Variants in PLEKHM2 observed in about 807,000 individuals in gnomAD.
PLEKHM2 encodes pleckstrin homology and RUN domain containing M2, also known as pleckstrin homology domain-containing family M member 2.
A neutral mutation model predicts 116.3 loss-of-function variants in PLEKHM2; 77 were observed. The observed-to-expected ratio is 0.66, with a 90% CI of 0.55 to 0.80. The LOEUF (loss-of-function observed/expected upper bound fraction) is 0.80. Ranked by LOEUF, PLEKHM2 falls within the 30% of genes least tolerant of loss-of-function variation. PLEKHM2 has a pLI of 0.00. For missense variants in PLEKHM2, 1,183 were observed against 1,354.9 expected (o/e 0.87, Z 1.99); for synonymous variants, 562 against 571.0 (o/e 0.98, Z 0.22).
In PLEKHM2 at chr1:15,731,881, TGGCCCAGGG is replaced by T; in HGVS notation, c.2466-5_2469del. On this transcript the variant is annotated splice_acceptor_variant and splice_polypyrimidine_tract_variant and coding_sequence_variant and intron_variant, in exon 17 of 20. Transcript: ENST00000375799. LOFTEE classifies it high-confidence loss of function. ...TCGCTCCCGTTTCACCCTCCTCCTCTGGCCCAGGGGGGAGCAGTGCGGTGGCTGCCGGAG... is the reference window on the plus strand; with the variant it reads ...TCGCTCCCGTTTCACCCTCCTCCTCTGGGAGCAGTGCGGTGGCTGCCGGAG... The T allele has an allele frequency of 6.2e-7, 1 of 1,608,722 alleles. No homozygotes were observed. Among genetic ancestry groups the T allele is most frequent in the Non-Finnish European group, 8.5e-7 (1 of 1,177,842 alleles).
chr1:15,715,025 A>T lies in PLEKHM2; in HGVS notation c.61-1212A>T, dbSNP rs115317460. 5.0e-3 allele frequency among the ~76,000 whole-genome samples: 764 copies of T among 152,064 alleles called. 3 individuals are homozygous for T. Among genetic ancestry groups the T allele is most frequent in the African/African-American group, 0.018 (730 of 41,500 alleles). ...TTTGCACAGTGCTGCAGTTCATCTC[A>T]CCTACTGTCCAAATCTCCTTTTATC... On this transcript the variant is annotated intron_variant, in intron 1 of 19. Transcript: ENST00000375799.
intron 1 of PLEKHM2, among the ~76,000 whole-genome samples, chr1:15,700,856 G>A (rs564723741): frequency 1.2e-4 from 18 of 152,286 alleles, no homozygotes; most frequent in African/African-American, 4.3e-4. Context: ...GCTCACGCCT[G>A]TAACCCCAGC....
chr1:15,695,023 C>T (rs1240368089), intron 1 of PLEKHM2, among the ~76,000 whole-genome samples: 1 of 152,122 alleles, frequency 6.6e-6, no homozygotes, highest in African/African-American at 2.4e-5. Flanking sequence ...CTCCCAAAGT[C>T]CTGGGCTTAT....
At chr1:15,701,879 C>T (rs1375221806) in intron 1 of PLEKHM2, among the ~76,000 whole-genome samples, 9 of 152,186 alleles carry the variant, frequency 5.9e-5, no homozygotes, top group Non-Finnish European at 2.9e-5. Flanking sequence ...GGATGGATGT[C>T]GAGCACTGGC....
upstream of PLEKHM2, among the ~76,000 whole-genome samples, chr1:15,682,637 ACAAAACAAAAAAAAC>A (rs1318633901): frequency 1.1e-5 from 1 of 89,554 alleles, no homozygotes; most frequent in African/African-American, 6.4e-5. Flanking sequence ...ACAAAACAAA[ACAAAACAAAAAAAAC>A]AAAAAACAAA....
Position 15,684,535 on chromosome 1 carries a change from G to A in PLEKHM2, c.-24G>A, listed in dbSNP as rs752011851. ...GGGCGGCGGCGGCGGTGGCGGTGGC[G>A]GTGGCGGCGACGGTGGCAGCGCCAT... On this transcript the variant is annotated 5_prime_UTR_variant, in exon 1 of 20. Transcript: ENST00000375799. The A allele has an allele frequency of 2.6e-6, 3 of 1,175,624 alleles. No individual in the cohort carries two copies. The highest frequency in any genetic ancestry group is 3.3e-5 in the South Asian group (1 of 29,868). 72.8% of individuals were successfully genotyped at this position (1,175,624 alleles called of 1,614,324 possible).
chr1:15,731,094 C>A, intron 15 of PLEKHM2, 98 bp from the exon 16 acceptor site: 1 of 866,874 alleles, frequency 1.2e-6, no homozygotes, highest in Non-Finnish European at 1.9e-6. Context: ...AGGTTCATGG[C>A]CGCAGCATGT....
intron 1 of PLEKHM2, among the ~76,000 whole-genome samples, chr1:15,704,204 ATTTCTTTACT>A (rs1206373422): frequency 2.1e-5 from 3 of 143,062 alleles, no homozygotes; most frequent in Admixed American, 2.1e-4. Flanking sequence ...CAAGGACTTT[ATTTCTTTACT>A]CTACCCTGTT....
chr1:15,699,389 G>T (rs766250748), intron 1 of PLEKHM2, among the ~76,000 whole-genome samples: 8 of 151,994 alleles, frequency 5.3e-5, no homozygotes, highest in African/African-American at 9.7e-5. Context: ...TCCCCGCCCC[G>T]TGTCCAAGTG....
chr1:15,719,047 C>T lies in PLEKHM2; in HGVS notation c.465+422C>T, dbSNP rs1185136121. ...TCTTCAAGTTCTCAAGTTTCTCTCC[C>T]CATCACACCCTGTACAAATGGGATG... On this transcript the variant is annotated intron_variant, in intron 5 of 19. Coordinates refer to ENST00000375799, the MANE Select transcript of PLEKHM2 (RefSeq NM_015164.4). The surrounding 1 kb of genome is among the most constrained non-coding windows in gnomAD (Gnocchi z 4.1). Among the ~76,000 whole-genome samples, 1 of 152,150 alleles carries T rather than the reference C, an allele frequency of 6.6e-6. No homozygotes were observed. Among genetic ancestry groups the T allele is most frequent in the Non-Finnish European group, 1.5e-5 (1 of 68,026 alleles).
chr1:15,713,853 T>C (rs925077540), intron 1 of PLEKHM2, among the ~76,000 whole-genome samples: 1 of 152,038 alleles, frequency 6.6e-6, no homozygotes, highest in African/African-American at 2.4e-5. Flanking sequence ...TTAGCCAGGA[T>C]GGTCTTGATC....
chr1:15,698,474 G>C (rs150089233), intron 1 of PLEKHM2, among the ~76,000 whole-genome samples: 1 of 151,868 alleles, frequency 6.6e-6, no homozygotes, highest in East Asian at 1.9e-4. Context: ...CAAAATGCTG[G>C]GATTATAGGT....
intron 7 of PLEKHM2, among the ~76,000 whole-genome samples, chr1:15,725,092 AG>A (rs368329802): frequency 3.6e-4 from 55 of 152,110 alleles, no homozygotes; most frequent in African/African-American, 1.3e-3. Flanking sequence ...TGAGCTCCGG[AG>A]GCCCCAGGGG....
chr1:15,727,858 G>A lies in PLEKHM2; in HGVS notation c.1760+26G>A, dbSNP rs1434621712. Reference sequence around the variant, plus strand: ...GTAACAAGACTCTGCAGCTGGCATGGGACTCTCCCAGCCCTTGAAGCTGGG... The same window carrying A: ...GTAACAAGACTCTGCAGCTGGCATGAGACTCTCCCAGCCCTTGAAGCTGGG... On this transcript the variant is annotated intron_variant, in intron 9 of 19. Coordinates refer to ENST00000375799, the MANE Select transcript of PLEKHM2 (RefSeq NM_015164.4). This position sits in a 1 kb window ranked among gnomAD's most constrained non-coding sequence, Gnocchi z 7.5. 6.6e-7 allele frequency: 1 copy of A among 1,505,584 alleles called. No individual in the cohort carries two copies. Among genetic ancestry groups the A allele is most frequent in the Non-Finnish European group, 9.0e-7 (1 of 1,113,616 alleles). 93.3% of individuals were successfully genotyped at this position (1,505,584 alleles called of 1,614,324 possible).
chr1:15,710,339 G>T (rs1382728249), intron 1 of PLEKHM2, among the ~76,000 whole-genome samples: 1 of 151,646 alleles, frequency 6.6e-6, no homozygotes, highest in African/African-American at 2.4e-5. Flanking sequence ...TGTTATTGTT[G>T]TTATTTGAAA....
upstream of PLEKHM2, among the ~76,000 whole-genome samples, chr1:15,683,823 A>G (rs1407520405): frequency 1.4e-4 from 19 of 134,396 alleles, no homozygotes; most frequent in Admixed American, 3.7e-4. Context: ...GTCTCTGAGG[A>G]GGGCCGGTGT....
intron 1 of PLEKHM2, among the ~76,000 whole-genome samples, chr1:15,705,478 G>A (rs1047312227): frequency 6.6e-6 from 1 of 151,914 alleles, no homozygotes; most frequent in Admixed American, 6.6e-5. Flanking sequence ...CACTGTGCCC[G>A]GCCTCCACAT....
upstream of PLEKHM2, among the ~76,000 whole-genome samples, chr1:15,682,415 C>T (rs145638799): frequency 0.01 from 1,510 of 149,632 alleles, 29 homozygotes; most frequent in African/African-American, 0.034. Flanking sequence ...TGTGCCACCG[C>T]ACTCCGGCCT....
chr1:15,725,739 C>G (rs2068056136), intron 8 of PLEKHM2, 194 bp downstream of exon 8: 1 of 588,062 alleles, frequency 1.7e-6, no homozygotes, highest in Non-Finnish European at 3.0e-6. Flanking sequence ...AGCTCGGCTG[C>G]TGGAACAAAG....
Sources: allele counts gnomAD v4.1 joint callset (sites outside exome capture counted in the v4.1 genomes callset), GRCh38; gene constraint gnomAD v4.1.1; non-coding constraint Gnocchi (gnomAD v3.1); transcripts MANE v1.5; gene names NCBI Gene and HGNC (gene_info 2026-07-23, HGNC 2026-07-21).